Variants in EPB41L2 observed in about 807,000 individuals in gnomAD.
EPB41L2 encodes band 4.1-like protein 2.
A neutral mutation model predicts 113.0 loss-of-function variants in EPB41L2; 43 were observed. That is an observed-to-expected ratio of 0.38 (90% CI 0.30 to 0.49). The LOEUF is 0.49. Ranked by LOEUF, EPB41L2 falls within the 20% of genes least tolerant of loss-of-function variation. EPB41L2 has a pLI of 0.95. For missense variants in EPB41L2, 1,147 were observed against 1,223.4 expected (o/e 0.94, Z 0.93); for synonymous variants, 442 against 436.7 (o/e 1.01, Z -0.15).
chr6:130,890,188 C>T, intron 11 of EPB41L2, 106 bp downstream of exon 11: 1 of 1,174,306 alleles, frequency 8.5e-7, no homozygotes, highest in Non-Finnish European at 1.2e-6. Flanking sequence ...AAATGGCTAT[C>T]CCTGTAGGGT....
intron 14 of EPB41L2, among the ~76,000 whole-genome samples, chr6:130,871,976 C>G (rs375024181): frequency 1.3e-5 from 2 of 152,278 alleles, no homozygotes; most frequent in East Asian, 3.9e-4. Flanking sequence ...GCATGGGAGG[C>G]ACTTCAGATT....
chr6:131,036,457 T>C (rs931670193), intron 1 of EPB41L2, among the ~76,000 whole-genome samples: 2 of 151,820 alleles, frequency 1.3e-5, no homozygotes, highest in African/African-American at 4.8e-5. Context: ...AAAAACAGCA[T>C]AAAGAGTAGA....
chr6:130,885,343 A>G, intron 11 of EPB41L2, 75 bp from the exon 12 acceptor site: 1 of 1,459,740 alleles, frequency 6.9e-7, no homozygotes, highest in South Asian at 1.2e-5. Flanking sequence ...TCCCCCTTAC[A>G]GGAGATAAAC....
chr6:130,985,440 G>T (rs1047931670), intron 1 of EPB41L2, among the ~76,000 whole-genome samples: 14 of 152,160 alleles, frequency 9.2e-5, no homozygotes, highest in Admixed American at 6.5e-5. Flanking sequence ...TGCGCGACAA[G>T]AACTCGGGAA....
rs550610383 is a variant in EPB41L2 at position 130,971,698 on chromosome 6, C to T, written c.-14-15199G>A. 1.2e-4 allele frequency among the ~76,000 whole-genome samples: 18 copies of T among 152,286 alleles called. No individual in the cohort carries two copies. The South Asian group carries it at 3.7e-3, about 32-fold the overall frequency. On this transcript the variant is annotated intron_variant, in intron 1 of 19. Transcript: ENST00000337057. ...ATGAATCGCTTGTTTCTGGAATTTT[C>T]CATGTAATATTTTCAGACCACAGAT... is the stretch of plus-strand genomic sequence containing the variant.
intron 1 of EPB41L2, among the ~76,000 whole-genome samples, chr6:131,028,615 T>C (rs1417245483): frequency 6.6e-6 from 1 of 152,156 alleles, no homozygotes; most frequent in Non-Finnish European, 1.5e-5. Flanking sequence ...AGATTTTTGT[T>C]CCCATCATCA....
intron 19 of EPB41L2, among the ~76,000 whole-genome samples, chr6:130,842,696 AT>A (rs1775893129): frequency 6.6e-6 from 1 of 152,158 alleles, no homozygotes; most frequent in African/African-American, 2.4e-5. Flanking sequence ...TGAGTCATAA[AT>A]TTGTAAAGAA....
chr6:130,853,469 T>C (rs1026010559), intron 19 of EPB41L2, among the ~76,000 whole-genome samples: 3 of 152,248 alleles, frequency 2.0e-5, no homozygotes, highest in Non-Finnish European at 4.4e-5. Flanking sequence ...TGAGGGCTCA[T>C]AAATATGCAT....
chr6:131,016,494 A>ACACC (rs1344898017), intron 1 of EPB41L2, among the ~76,000 whole-genome samples: 9 of 150,330 alleles, frequency 6.0e-5, no homozygotes, highest in Non-Finnish European at 1.3e-4. Context: ...ACACACACAC[A>ACACC]CACACACACA....
intron 1 of EPB41L2, among the ~76,000 whole-genome samples, chr6:131,005,858 G>T (rs1785385577): frequency 6.6e-6 from 1 of 152,046 alleles, no homozygotes; most frequent in Non-Finnish European, 1.5e-5. Flanking sequence ...ATGACTATGT[G>T]ATCACTCTGA....
intron 5 of EPB41L2, among the ~76,000 whole-genome samples, chr6:130,908,242 G>C (rs1370865914): frequency 6.6e-6 from 1 of 152,144 alleles, no homozygotes; most frequent in Non-Finnish European, 1.5e-5. Context: ...TGGGAAAAGG[G>C]GAAGAAATGA....
At chr6:130,896,222 C>T (rs1677646437) in intron 8 of EPB41L2, among the ~76,000 whole-genome samples, 1 of 152,212 alleles carries the variant, frequency 6.6e-6, no homozygotes, top group Non-Finnish European at 1.5e-5. Flanking sequence ...GTTGCTTTCT[C>T]TGCTGTGACA....
chr6:131,030,845 G>A (rs1382485830), intron 1 of EPB41L2, among the ~76,000 whole-genome samples: 4 of 151,922 alleles, frequency 2.6e-5, no homozygotes, highest in Admixed American at 2.6e-4. Flanking sequence ...GGAGGCCAAG[G>A]CAGGCAGATC....
At chr6:130,889,628 G>C (rs1186144044) in intron 11 of EPB41L2, among the ~76,000 whole-genome samples, 1 of 152,114 alleles carries the variant, frequency 6.6e-6, no homozygotes, top group Non-Finnish European at 1.5e-5. Flanking sequence ...CTGATGCAGG[G>C]AATGTTTTAT....
chr6:130,936,862 C>G (rs879863318), intron 3 of EPB41L2, among the ~76,000 whole-genome samples: 7 of 152,186 alleles, frequency 4.6e-5, no homozygotes, highest in African/African-American at 1.7e-4. Flanking sequence ...ACAGTCTTAA[C>G]GTGAGGCCTC....
chr6:131,043,660 C>G (rs187379742), intron 1 of EPB41L2, among the ~76,000 whole-genome samples: 22 of 152,238 alleles, frequency 1.4e-4, no homozygotes, highest in Admixed American at 4.6e-4. Context: ...ATGTATGTAC[C>G]TAACTTGGAT....
intron 1 of EPB41L2, among the ~76,000 whole-genome samples, chr6:131,011,335 C>T (rs1318937018): frequency 1.3e-5 from 2 of 152,234 alleles, no homozygotes; most frequent in African/African-American, 4.8e-5. Flanking sequence ...AAGACCACTA[C>T]AAGTTGCTCT....
chr6:131,026,868 C>T (rs1790982696), intron 1 of EPB41L2, among the ~76,000 whole-genome samples: 1 of 152,186 alleles, frequency 6.6e-6, no homozygotes, highest in Admixed American at 6.5e-5. Context: ...CACCTCCACT[C>T]TTCTCTTCCC....
intron 14 of EPB41L2, among the ~76,000 whole-genome samples, chr6:130,871,507 T>C (rs549554337): frequency 6.6e-6 from 1 of 152,252 alleles, no homozygotes; most frequent in South Asian, 2.1e-4. Flanking sequence ...GCTGAGTTCA[T>C]CTCTCCCAGA....
Sources: gnomAD v4.1 joint callset for allele counts (sites outside exome capture counted in the v4.1 genomes callset) on GRCh38, gnomAD v4.1.1 for gene constraint, MANE v1.5 for transcripts, NCBI Gene and HGNC (gene_info 2026-07-23, HGNC 2026-07-21) for gene names.